PTPRA: variants seen among roughly 807,000 people sequenced by gnomAD.
PTPRA encodes receptor-type tyrosine-protein phosphatase alpha.
In PTPRA, 25 loss-of-function variants were observed where a neutral mutation model predicts 104.8. The observed-to-expected ratio is 0.24, with a 90% CI of 0.17 to 0.33. PTPRA has a LOEUF of 0.33. Ranked by LOEUF, PTPRA falls within the 10% of genes least tolerant of loss-of-function variation. The probability of loss-of-function intolerance (pLI) is 1.00; values close to 1 mark genes in which losing one functional copy is unlikely to be tolerated. For synonymous variants in PTPRA, 323 were observed against 368.9 expected, an observed-to-expected ratio of 0.88 and a Z score of 1.43; for missense variants, 765 against 1,015.3, an observed-to-expected ratio of 0.75 and a Z score of 3.35.
chr20:2,909,896 T>A (rs2059578365), intron 1 of PTPRA, among the ~76,000 whole-genome samples: 1 of 130,782 alleles, frequency 7.6e-6, no homozygotes, highest in African/African-American at 2.9e-5. Context: ...TTATAATATA[T>A]AATATATGAC....
chr20:3,002,156 A>G (rs1006432665), intron 9 of PTPRA, among the ~76,000 whole-genome samples: 1 of 132,036 alleles, frequency 7.6e-6, no homozygotes, highest in Non-Finnish European at 1.7e-5. Context: ...AAAACAACAA[A>G]AAACTCTTGC....
chr20:2,865,116 T>A, the PTPRA span: 2 of 1,614,078 alleles, frequency 1.2e-6, no homozygotes, highest in Non-Finnish European at 1.7e-6. This position sits in a 1 kb window ranked among gnomAD's most constrained non-coding sequence, Gnocchi z 5.2. Context: ...TGGTCCCTCA[T>A]CCCCATCATG....
intron 3 of PTPRA, among the ~76,000 whole-genome samples, chr20:2,958,740 G>T (rs1411223651): frequency 2.0e-5 from 3 of 150,696 alleles, no homozygotes; most frequent in Non-Finnish European, 3.0e-5. Flanking sequence ...CCAGCTACTT[G>T]GGAGGCTGAG....
chr20:2,884,255 A>G (rs1219405013), intron 1 of PTPRA, among the ~76,000 whole-genome samples: 1 of 152,152 alleles, frequency 6.6e-6, no homozygotes, highest in Non-Finnish European at 1.5e-5. Flanking sequence ...GGGTATATAT[A>G]TATACCTAGG....
chr20:2,927,163 C>T (rs929295785), intron 2 of PTPRA, among the ~76,000 whole-genome samples: 3 of 152,142 alleles, frequency 2.0e-5, no homozygotes, highest in Non-Finnish European at 2.9e-5. Flanking sequence ...CCTCCTCAGC[C>T]TCCCAAAGTG....
At chr20:2,990,599 G>A (rs1487807010) in intron 9 of PTPRA, among the ~76,000 whole-genome samples, 1 of 152,116 alleles carries the variant, frequency 6.6e-6, no homozygotes, top group Non-Finnish European at 1.5e-5. Flanking sequence ...GAGCATAGTG[G>A]TACATGCCTG....
At chr20:3,005,658 CAG>C (rs747271405) in intron 10 of PTPRA, among the ~76,000 whole-genome samples, 356 of 152,294 alleles carry the variant, frequency 2.3e-3, no homozygotes, top group Non-Finnish European at 3.9e-3. Flanking sequence ...CCCACATACT[CAG>C]AGTCAATTAG....
At chr20:2,996,248 C>G (rs558544632) in intron 9 of PTPRA, among the ~76,000 whole-genome samples, 128 of 152,308 alleles carry the variant, frequency 8.4e-4, no homozygotes, top group African/African-American at 2.8e-3. Flanking sequence ...GTAGAGCCGA[C>G]CTTGGTGGCT....
chr20:3,009,652 A>G (rs1184888222), intron 11 of PTPRA, among the ~76,000 whole-genome samples: 1 of 152,182 alleles, frequency 6.6e-6, no homozygotes, highest in Non-Finnish European at 1.5e-5. Context: ...TGACTAGACA[A>G]ATAATTGTTG....
At position 2,960,249 on chromosome 20, in the gene PTPRA, A is replaced by AT. The variant is rs556503635; in HGVS notation, c.-6-4005dup. 6.6e-3 allele frequency among the ~76,000 whole-genome samples: 893 copies of AT among 134,286 alleles called. 7 individuals carry two copies. Among genetic ancestry groups the AT allele is most frequent in the Middle Eastern group, 0.025 (6 of 244 alleles). 88.1% of individuals were successfully genotyped at this position (134,286 alleles called of 152,430 possible). On this transcript the variant is annotated intron_variant, in intron 3 of 23. Coordinates refer to ENST00000399903, the MANE Select transcript of PTPRA (RefSeq NM_001385305.1). Reference sequence around the variant, plus strand: ...CCTTTTCCTAACTGCACAACCACTGATTTTTTTTTTTTTTTTTTGAGACGG... The same window carrying AT: ...CCTTTTCCTAACTGCACAACCACTGATTTTTTTTTTTTTTTTTTTGAGACGG...
At chr20:2,909,891 A>T (rs2059577617) in intron 1 of PTPRA, among the ~76,000 whole-genome samples, 1 of 132,200 alleles carries the variant, frequency 7.6e-6, no homozygotes, top group Non-Finnish European at 1.5e-5. Flanking sequence ...ATTAATTATA[A>T]TATATAATAT....
intron 1 of PTPRA, among the ~76,000 whole-genome samples, chr20:2,919,222 G>A (rs2060015768): frequency 6.6e-6 from 1 of 152,152 alleles, no homozygotes; most frequent in Non-Finnish European, 1.5e-5. Flanking sequence ...GAATAGCAAT[G>A]ATCATTACGA....
In PTPRA at chr20:2,949,371, A is replaced by G. The variant is rs2061274225; in HGVS notation, c.-7+1347A>G. On this transcript the variant is annotated intron_variant, in intron 3 of 23. Transcript: ENST00000399903. The stretch of plus-strand genomic sequence containing the variant: ...CTCGCTTTGTCACCATGCCTGGCCT[A>G]AATTCTCGTAGGTTTTCTATGTAAA... Among the ~76,000 whole-genome samples, 4 of 150,564 alleles carry G rather than the reference A, an allele frequency of 2.7e-5. No homozygotes were observed. The South Asian group carries it at 8.3e-4, about 31-fold the overall frequency.
intron 2 of PTPRA, among the ~76,000 whole-genome samples, chr20:2,945,582 GGTGTGTGTGT>G (rs3842441): frequency 3.4e-4 from 51 of 148,154 alleles, no homozygotes; most frequent in East Asian, 2.4e-3. Flanking sequence ...ATAATTGGCA[GGTGTGTGTGT>G]GTGTGTGTGT....
chr20:2,942,054 A>C (rs1008378168), intron 2 of PTPRA, among the ~76,000 whole-genome samples: 1 of 152,234 alleles, frequency 6.6e-6, no homozygotes, highest in Non-Finnish European at 1.5e-5. Flanking sequence ...TTCTAGTAGA[A>C]GGAACAGGGC....
rs2059581987 is a variant in PTPRA at position 2,909,917 on chromosome 20, T to TAAA, written c.-128-13289_-128-13288insAAA. Among the ~76,000 whole-genome samples the TAAA allele has an allele frequency of 1.7e-4, 22 of 130,726 alleles. 1 individual carries two copies. The highest frequency in any genetic ancestry group is 9.5e-4 in the Admixed American group (11 of 11,610). 85.8% of individuals were successfully genotyped at this position (130,726 alleles called of 152,430 possible). ...TATATAATATATGACATATATATGT[T>TAAA]ATATATTGTTATATATAATATGTGT... On this transcript the variant is annotated intron_variant, in intron 1 of 23. Transcript: ENST00000399903.
intron 19 of PTPRA, 61 bp downstream of exon 19, chr20:3,027,258 C>G: frequency 6.7e-7 from 1 of 1,494,176 alleles, no homozygotes; most frequent in South Asian, 1.1e-5. Context: ...CCAGCACTTG[C>G]AGTGCCTCCC....
At chr20:2,902,292 A>G (rs1166774434) in intron 1 of PTPRA, among the ~76,000 whole-genome samples, 3 of 152,226 alleles carry the variant, frequency 2.0e-5, no homozygotes, top group Non-Finnish European at 2.9e-5. Context: ...TGATTGCACA[A>G]CTTTCACCTG....
chr20:2,961,328 A>G (rs2061747730), intron 3 of PTPRA, among the ~76,000 whole-genome samples: 2 of 152,218 alleles, frequency 1.3e-5, no homozygotes, highest in South Asian at 2.1e-4. Context: ...TAAAACCAAA[A>G]TCCATTTTCA....
Sources: gnomAD v4.1 joint callset for allele counts (sites outside exome capture counted in the v4.1 genomes callset) on GRCh38, gnomAD v4.1.1 for gene constraint, Gnocchi (gnomAD v3.1) non-coding constraint, MANE v1.5 for transcripts, NCBI Gene and HGNC (gene_info 2026-07-23, HGNC 2026-07-21) for gene names.